PTGDR2: variants seen among roughly 807,000 people sequenced by gnomAD.
PTGDR2 encodes prostaglandin D2 receptor 2, also known as G-protein coupled receptor 44.
For missense variants in PTGDR2, 544 were observed against 576.6 expected (o/e 0.94, Z 0.58); for synonymous variants, 276 against 278.4 (o/e 0.99, Z 0.09).
chr11:60,853,271 A>G lies in PTGDR2; in HGVS notation c.452T>C (p.Val151Ala), dbSNP rs750463480. ...NHRTVAAAHK[V>A]CLVLWALAVL... ...CGCTAGTGCCCAAAGCACCAGGCAG[A>G]CTTTGTGCGCCGCGGCCACGGTGCG... The change falls in exon 2 of 2, where the codon GTC (valine) becomes GCC (alanine). Residue 151 changes from valine to alanine, a missense_variant. Physicochemically the swap from Val to Ala is moderately conservative, Grantham distance 64. Coordinates refer to ENST00000332539, the MANE Select transcript of PTGDR2 (RefSeq NM_004778.3). 6.2e-7 allele frequency: 1 copy of G among 1,612,766 alleles called. No individual in the cohort carries two copies. Among genetic ancestry groups the G allele is most frequent in the Non-Finnish European group, 8.5e-7 (1 of 1,179,530 alleles).
At chr11:60,854,266 G>C (rs1345179525) in intron 1 of PTGDR2, among the ~76,000 whole-genome samples, 1 of 152,212 alleles carries the variant, frequency 6.6e-6, no homozygotes, top group African/African-American at 2.4e-5. Flanking sequence ...CCTCTCTACA[G>C]ATCCTCCATG....
chr11:60,853,045 G>A lies in PTGDR2; in HGVS notation c.678C>T (p.His226=), dbSNP rs1394327547. ...GCTGCAACCGCAGGCTCACGGCCGC[G>A]TGGCTCGAGGCGATGATCGCCAGCG... ...LVPLAIIASS[H]AAVSLRLQHR... Residue 226 remains histidine (H), a synonymous_variant, in exon 2 of 2, where the codon CAC becomes CAT. Transcript: ENST00000332539. 5 of 1,568,750 alleles carry A rather than the reference G, an allele frequency of 3.2e-6. No homozygotes were observed. The South Asian group carries it at 3.4e-5, about 11-fold the overall frequency.
rs185767880 is a variant in PTGDR2 at position 60,853,724 on chromosome 11, G to A, written c.-2C>T. On this transcript the variant is annotated 5_prime_UTR_variant, in exon 2 of 2. In the 5' UTR this introduces an upstream ATG that the reference lacks. Coordinates refer to ENST00000332539, the MANE Select transcript of PTGDR2 (RefSeq NM_004778.3). ...CTTCAGTGTGGCGTTGGCCGACATC[G>A]TGGGGCTCTGCAGTGGAGGGAAGGA... 8.5e-6 allele frequency: 13 copies of A among 1,534,148 alleles called. No homozygotes were observed. Among genetic ancestry groups the A allele is most frequent in the East Asian group, 7.4e-5 (3 of 40,772 alleles).
chr11:60,852,091 C>T lies in PTGDR2; in HGVS notation c.*444G>A, dbSNP rs56147200. On this transcript the variant is annotated 3_prime_UTR_variant, in exon 2 of 2. Coordinates refer to ENST00000332539, the MANE Select transcript of PTGDR2 (RefSeq NM_004778.3). The stretch of plus-strand genomic sequence containing the variant: ...GGATGGTTTAACATAAAACTCCTTC[C>T]CCCCTCCCCCATCATCTGGTAAAAC... 0.017 allele frequency: 2,888 copies of T among 169,494 alleles called. 36 individuals are homozygous for T. Among genetic ancestry groups the T allele is most frequent in the Non-Finnish European group, 0.025 (2,025 of 79,944 alleles). The allele number at this position is 169,494 out of a possible 1,614,324, so 10.5% of individuals were successfully genotyped here.
In PTGDR2 at chr11:60,852,761, G is replaced by A. The variant is rs1325774893; in HGVS notation, c.962C>T (p.Thr321Met). ...GTCCACCAGCACGCTCTCCAGCACC[G>A]TGCGCAGCGAGCGCCGCAGCTTGCG... ...MLRKLRRSLRTVLESVLVDDS... is the reference protein window; with the variant it reads ...MLRKLRRSLRMVLESVLVDDS... The change falls in exon 2 of 2, where the codon ACG becomes ATG. Residue 321 changes from threonine to methionine, a missense_variant. Physicochemically the swap from Thr to Met is moderately conservative, Grantham distance 81. Coordinates refer to ENST00000332539, the MANE Select transcript of PTGDR2 (RefSeq NM_004778.3). The A allele has an allele frequency of 1.3e-6, 2 of 1,540,392 alleles. No homozygotes were observed. Among genetic ancestry groups the A allele is most frequent in the African/African-American group, 2.8e-5 (2 of 71,258 alleles).
intron 1 of PTGDR2, among the ~76,000 whole-genome samples, chr11:60,854,339 C>A (rs1022025832): frequency 6.6e-6 from 1 of 152,192 alleles, no homozygotes; most frequent in Non-Finnish European, 1.5e-5. Flanking sequence ...GAACCAGCCC[C>A]TCCTCTGATG....
Position 60,852,745 on chromosome 11 carries a change from C to A in PTGDR2, c.978G>T (p.Val326=). 6.7e-7 allele frequency: 1 copy of A among 1,496,174 alleles called. No homozygotes were observed. Among genetic ancestry groups the A allele is most frequent in the Non-Finnish European group, 9.0e-7 (1 of 1,116,644 alleles). 92.7% of individuals were successfully genotyped at this position (1,496,174 alleles called of 1,614,324 possible). ...RRSLRTVLES[V]LVDDSELGGA... The stretch of plus-strand genomic sequence containing the variant: ...CACCCAGCTCGCTGTCGTCCACCAG[C>A]ACGCTCTCCAGCACCGTGCGCAGCG... Residue 326 remains valine, a synonymous_variant, in exon 2 of 2, where the codon GTG becomes GTT. Transcript: ENST00000332539.
At position 60,852,596 on chromosome 11, in the gene PTGDR2, C is replaced by T; in HGVS notation, c.1127G>A (p.Ser376Asn). The change falls in exon 2 of 2, where the codon AGC becomes AAC. Residue 376 changes from serine (S) to asparagine (N), a missense_variant. By Grantham distance (46) the Ser-to-Asn change is conservative. Transcript: ENST00000332539. ...PARLLGWLLG[S>N]CAASPQTGPL... The stretch of plus-strand genomic sequence containing the variant: ...GCCCGTCTGCGGGGACGCTGCGCAG[C>T]TGCCCAGCAGCCAGCCGAGGAGACG... The T allele has an allele frequency of 7.7e-7, 1 of 1,303,812 alleles. No individual in the cohort carries two copies. Among genetic ancestry groups the T allele is most frequent in the Non-Finnish European group, 9.7e-7 (1 of 1,026,258 alleles). The allele number at this position is 1,303,812 out of a possible 1,614,324, so 80.8% of individuals were successfully genotyped here. A position where few individuals can be genotyped will look rare whatever the true frequency, so the allele number is the denominator to read the frequency against.
Position 60,853,518 on chromosome 11 carries a change from A to C in PTGDR2, c.205T>G (p.Trp69Gly). ...TCGGACAGCGCCAGGTGCAGCACCC[A>C]GGTGGTGACCACGGTCTGGCGCATG... ...CRMRQTVVTT[W>G]VLHLALSDLL... Residue 69 changes from tryptophan to glycine, a missense_variant, in exon 2 of 2, where the codon TGG becomes GGG. Physicochemically the swap from Trp to Gly is radical, Grantham distance 184 (BLOSUM62 -2). Coordinates refer to ENST00000332539, the MANE Select transcript of PTGDR2 (RefSeq NM_004778.3). 1 of 1,558,704 alleles carries C rather than the reference A, an allele frequency of 6.4e-7. No homozygotes were observed. Among genetic ancestry groups the C allele is most frequent in the South Asian group, 1.2e-5 (1 of 84,536 alleles).
chr11:60,852,859 G>C lies in PTGDR2; in HGVS notation c.864C>G (p.Phe288Leu), dbSNP rs762934437. ...LRPLVWRGLP[F>L]VTSLAFFNSV... The stretch of plus-strand genomic sequence containing the variant: ...TGTTGAAGAAGGCCAGGCTGGTGAC[G>C]AAGGGCAGCCCGCGCCACACGAGCG... The change falls in exon 2 of 2, where the codon TTC becomes TTG. Residue 288 changes from phenylalanine to leucine, a missense_variant. Physicochemically the swap from Phe to Leu is conservative, Grantham distance 22. Transcript: ENST00000332539. 1.2e-5 allele frequency: 19 copies of C among 1,550,452 alleles called. No individual in the cohort carries two copies. The South Asian group carries it at 1.9e-4, about 16-fold the overall frequency.
chr11:60,853,561 G>A lies in PTGDR2; in HGVS notation c.162C>T (p.Leu54=), dbSNP rs1403628632. 6.4e-7 allele frequency: 1 copy of A among 1,556,370 alleles called. No individual in the cohort carries two copies. Among genetic ancestry groups the A allele is most frequent in the Non-Finnish European group, 8.7e-7 (1 of 1,149,570 alleles). Reference sequence around the variant, plus strand: ...GGCGCATGCGGCAGCCCACCACGAAGAGGATGACTCCATTCTCCACCAGGC... The same window carrying A: ...GGCGCATGCGGCAGCCCACCACGAAAAGGATGACTCCATTCTCCACCAGGC... ...LLGLVENGVI[L]FVVGCRMRQT... Residue 54 remains leucine, a synonymous_variant, in exon 2 of 2, where the codon CTC becomes CTT. Coordinates refer to ENST00000332539, the MANE Select transcript of PTGDR2 (RefSeq NM_004778.3).
rs984569594 is a variant in PTGDR2 at position 60,851,134 on chromosome 11, G to A, written c.*1401C>T. The A allele has an allele frequency of 6.6e-6, 1 of 152,360 alleles. No homozygotes were observed. Among genetic ancestry groups the A allele is most frequent in the Non-Finnish European group, 1.5e-5 (1 of 68,074 alleles). The allele number at this position is 152,360 out of a possible 1,614,324, so 9.4% of individuals were successfully genotyped here. Reference sequence around the variant, plus strand: ...GAGTAAAGGGGGAAGGGATGGGAGGGAGCAGGGGCGAGGTGTCAACACAGG... The same window carrying A: ...GAGTAAAGGGGGAAGGGATGGGAGGAAGCAGGGGCGAGGTGTCAACACAGG... On this transcript the variant is annotated 3_prime_UTR_variant, in exon 2 of 2. Coordinates refer to ENST00000332539, the MANE Select transcript of PTGDR2 (RefSeq NM_004778.3).
In PTGDR2 at chr11:60,852,494, G is replaced by A; in HGVS notation, c.*41C>T. On this transcript the variant is annotated 3_prime_UTR_variant, in exon 2 of 2. Coordinates refer to ENST00000332539, the MANE Select transcript of PTGDR2 (RefSeq NM_004778.3). ...TCGAATTGAACCGCGGCACCCTGGTGATACTTTCGCGTGTGAGTGCCGCCC... is the reference window on the plus strand; with the variant it reads ...TCGAATTGAACCGCGGCACCCTGGTAATACTTTCGCGTGTGAGTGCCGCCC... 2 of 1,243,816 alleles carry A rather than the reference G, an allele frequency of 1.6e-6. No individual in the cohort carries two copies. The highest frequency in any genetic ancestry group is 2.0e-6 in the Non-Finnish European group (2 of 993,722). The allele number at this position is 1,243,816 out of a possible 1,614,324, so 77.0% of individuals were successfully genotyped here.
intron 1 of PTGDR2, among the ~76,000 whole-genome samples, chr11:60,854,743 T>C (rs1855335186): frequency 6.6e-6 from 1 of 152,182 alleles, no homozygotes; most frequent in Non-Finnish European, 1.5e-5. Flanking sequence ...TCTTTCTGGC[T>C]CTAGAAAAAT....
At position 60,853,628 on chromosome 11, in the gene PTGDR2, T is replaced by C. The variant is rs1333292970; in HGVS notation, c.95A>G (p.Asp32Gly). The part of the protein sequence containing the change: ...SHSNTSIRYI[D>G]HAAVLLHGLA... ...CCCGTGCAGCAGCACGGCCGCGTGG[T>C]CGATGTAGCGGATGCTGGTGTTGCT... The change falls in exon 2 of 2, where the codon GAC becomes GGC. Residue 32 changes from aspartate to glycine, a missense_variant. Physicochemically the swap from Asp to Gly is moderately conservative, Grantham distance 94 (BLOSUM62 -1). Coordinates refer to ENST00000332539, the MANE Select transcript of PTGDR2 (RefSeq NM_004778.3). The C allele has an allele frequency of 6.4e-7, 1 of 1,557,182 alleles. No homozygotes were observed. The highest frequency in any genetic ancestry group is 1.7e-4 in the Middle Eastern group (1 of 6,004).
At chr11:60,853,768 G>T in intron 1 of PTGDR2, 37 bp from the exon 2 acceptor site, 1 of 1,470,864 alleles carries the variant, frequency 6.8e-7, no homozygotes, top group Non-Finnish European at 9.1e-7. Context: ...AGTTGGAAGT[G>T]CAGAGGCCAC....
chr11:60,853,877 CCAGCATTGCTGTGCTTGGG>C, intron 1 of PTGDR2, 146 bp from the exon 2 acceptor site: 1 of 672,532 alleles, frequency 1.5e-6, no homozygotes, highest in Admixed American at 3.0e-5. Context: ...GAATAATATC[CCAGCATTGCTGTGCTTGGG>C]CAAGTCATTT....
Position 60,852,808 on chromosome 11 carries a change from C to T in PTGDR2, c.915G>A (p.Val305=), listed in dbSNP as rs1319157601. The T allele has an allele frequency of 2.6e-6, 4 of 1,558,716 alleles. No individual in the cohort carries two copies. In the African/African-American group the frequency reaches 4.1e-5, roughly 16 times the overall value. ...TGCGCAGCATGTCGGGGCAGGTGAGCACGTAGAGCACCGGGTTGGCCACGC... is the reference window on the plus strand; with the variant it reads ...TGCGCAGCATGTCGGGGCAGGTGAGTACGTAGAGCACCGGGTTGGCCACGC... ...FNSVANPVLY[V]LTCPDMLRKL... Residue 305 remains valine, a synonymous_variant, in exon 2 of 2, where the codon GTG becomes GTA. Coordinates refer to ENST00000332539, the MANE Select transcript of PTGDR2 (RefSeq NM_004778.3).
chr11:60,853,730 C>T lies in PTGDR2; in HGVS notation c.-8G>A, dbSNP rs370686642. ...TGTGGCGTTGGCCGACATCGTGGGG[C>T]TCTGCAGTGGAGGGAAGGAGGCGCC... On this transcript the variant is annotated splice_region_variant and 5_prime_UTR_variant, in exon 2 of 2. Coordinates refer to ENST00000332539, the MANE Select transcript of PTGDR2 (RefSeq NM_004778.3). 3 of 1,529,778 alleles carry T rather than the reference C, an allele frequency of 2.0e-6. No individual in the cohort carries two copies. The highest frequency in any genetic ancestry group is 2.6e-6 in the Non-Finnish European group (3 of 1,138,132). 94.8% of individuals were successfully genotyped at this position (1,529,778 alleles called of 1,614,324 possible).
Sources: allele counts gnomAD v4.1 joint callset (sites outside exome capture counted in the v4.1 genomes callset), GRCh38; gene constraint gnomAD v4.1.1; transcripts MANE v1.5; gene names NCBI Gene and HGNC (gene_info 2026-07-23, HGNC 2026-07-21).